Variants in SHLD1 observed in about 807,000 individuals in gnomAD.
The protein encoded by SHLD1 is shieldin complex subunit 1.
A neutral mutation model predicts 5.5 loss-of-function variants in SHLD1; 3 were observed. The observed-to-expected ratio is 0.54, with a 90% CI of 0.25 to 1.40. The LOEUF (loss-of-function observed/expected upper bound fraction) is 1.40, where lower values mean the gene tolerates loss of function less well. SHLD1 is among the 40% of genes most tolerant of loss of function. The pLI is 0.15. For missense variants in SHLD1, 210 were observed against 244.4 expected (o/e 0.86, Z 0.94); for synonymous variants, 92 against 94.3 (o/e 0.98, Z 0.14).
chr20:5,843,006 G>C (rs1418173238), intron 2 of SHLD1, among the ~76,000 whole-genome samples: 1 of 152,154 alleles, frequency 6.6e-6, no homozygotes, highest in Non-Finnish European at 1.5e-5. Flanking sequence ...CATGGGCCTT[G>C]TTTGCTGGCT....
At chr20:5,830,184 C>G (rs972154261) in intron 2 of SHLD1, among the ~76,000 whole-genome samples, 2 of 152,220 alleles carry the variant, frequency 1.3e-5, no homozygotes, top group Non-Finnish European at 2.9e-5. Flanking sequence ...GAAATAGTCA[C>G]AGCAACACTC....
At chr20:5,801,951 A>G (rs2087300635) in intron 2 of SHLD1, among the ~76,000 whole-genome samples, 1 of 149,962 alleles carries the variant, frequency 6.7e-6, no homozygotes, top group African/African-American at 2.4e-5. Flanking sequence ...TGTGTGCTAC[A>G]TTGGATGTTC....
chr20:5,835,302 T>C (rs1462052773), intron 2 of SHLD1, among the ~76,000 whole-genome samples: 1 of 152,230 alleles, frequency 6.6e-6, no homozygotes, highest in African/African-American at 2.4e-5. Context: ...AAGCTAGGGC[T>C]ATACACTAAT....
chr20:5,779,310 A>C (rs1342889525), intron 2 of SHLD1, among the ~76,000 whole-genome samples: 1 of 152,148 alleles, frequency 6.6e-6, no homozygotes, highest in African/African-American at 2.4e-5. Context: ...TCACTGCCCT[A>C]ACAGCCCAAC....
chr20:5,804,500 T>G (rs405178), intron 2 of SHLD1, among the ~76,000 whole-genome samples: 68,132 of 151,914 alleles, frequency 0.45, 16,198 homozygotes, highest in African/African-American at 0.62. Context: ...TTTGTTCAGG[T>G]TTTGCCACAT....
At position 5,779,593 on chromosome 20, in the gene SHLD1, C is replaced by T. The variant is rs554257193; in HGVS notation, c.178+6550C>T. On this transcript the variant is annotated intron_variant, in intron 2 of 2. Coordinates refer to ENST00000303142, the MANE Select transcript of SHLD1 (RefSeq NM_152504.4). ...ACCATTCTATCTCAGATTCTTAACA[C>T]CTCCAGTTCCCAAGCCAGTTTGATG... Among the ~76,000 whole-genome samples, 5 of 152,282 alleles carry T rather than the reference C, an allele frequency of 3.3e-5. 1 individual carries two copies. The highest frequency in any genetic ancestry group is 1.9e-4 in the East Asian group (1 of 5,180).
At chr20:5,752,051 C>G (rs190790749) in intron 1 of SHLD1, among the ~76,000 whole-genome samples, 1 of 152,068 alleles carries the variant, frequency 6.6e-6, no homozygotes, top group Non-Finnish European at 1.5e-5. Flanking sequence ...GTCCTTGTTA[C>G]GTAGATGAAG....
chr20:5,752,395 CAAA>C (rs75840593), intron 1 of SHLD1, among the ~76,000 whole-genome samples: 3 of 121,636 alleles, frequency 2.5e-5, no homozygotes, highest in African/African-American at 5.5e-5. Flanking sequence ...GACTCCATCT[CAAA>C]AAAAAAAAAA....
rs1456670929 is a variant in SHLD1, at chr20:5,835,143, T to C, written c.179-27881T>C. Among the ~76,000 whole-genome samples, 4 of 152,020 alleles carry C rather than the reference T, an allele frequency of 2.6e-5. No individual in the cohort carries two copies. The South Asian group carries it at 6.2e-4, about 24-fold the overall frequency. ...ATAGGTGGTATTCTGCAGACACAGTTTGGGAAATAAGAGAAGTCTACCTCT... is the reference window on the plus strand; with the variant it reads ...ATAGGTGGTATTCTGCAGACACAGTCTGGGAAATAAGAGAAGTCTACCTCT... On this transcript the variant is annotated intron_variant, in intron 2 of 2. Transcript: ENST00000303142.
At chr20:5,781,344 G>A (rs2086986773) in intron 2 of SHLD1, among the ~76,000 whole-genome samples, 1 of 152,252 alleles carries the variant, frequency 6.6e-6, no homozygotes, top group Admixed American at 6.5e-5. Flanking sequence ...GCTACAGTGA[G>A]CTATGATTGT....
At chr20:5,805,126 T>A (rs540420366) in intron 2 of SHLD1, among the ~76,000 whole-genome samples, 1 of 151,804 alleles carries the variant, frequency 6.6e-6, no homozygotes, top group African/African-American at 2.4e-5. Flanking sequence ...TGTTTTCCCC[T>A]CCTTAATCTT....
At chr20:5,801,350 A>G (rs1485785643) in intron 2 of SHLD1, among the ~76,000 whole-genome samples, 1 of 152,220 alleles carries the variant, frequency 6.6e-6, no homozygotes, top group African/African-American at 2.4e-5. Flanking sequence ...TGCTGCGATT[A>G]TAGGCATGAG....
chr20:5,751,425 G>A (rs1983743159), intron 1 of SHLD1, among the ~76,000 whole-genome samples: 1 of 152,026 alleles, frequency 6.6e-6, no homozygotes. Context: ...TCCTGCCTGA[G>A]CCTCCCGAGT....
chr20:5,763,166 C>T (rs764372198), intron 1 of SHLD1, among the ~76,000 whole-genome samples: 3 of 150,254 alleles, frequency 2.0e-5, no homozygotes, highest in African/African-American at 7.4e-5. Context: ...ATTATCCAGG[C>T]GTAGTGGCGC....
intron 2 of SHLD1, among the ~76,000 whole-genome samples, chr20:5,832,154 TGG>T (rs2087736161): frequency 6.6e-6 from 1 of 152,244 alleles, no homozygotes; most frequent in South Asian, 2.1e-4. Context: ...TTGGCCAGGC[TGG>T]TCTCAAACTC....
At chr20:5,798,935 A>C (rs2087251621) in intron 2 of SHLD1, among the ~76,000 whole-genome samples, 1 of 152,096 alleles carries the variant, frequency 6.6e-6, no homozygotes, top group Non-Finnish European at 1.5e-5. Context: ...TGTAATCCCC[A>C]TACTTTGGAA....
At chr20:5,792,581 G>A (rs2122309461) in intron 2 of SHLD1, among the ~76,000 whole-genome samples, 1 of 151,738 alleles carries the variant, frequency 6.6e-6, no homozygotes, top group Admixed American at 6.6e-5. Flanking sequence ...CACCACGCCT[G>A]GCTAATTTTT....
intron 2 of SHLD1, among the ~76,000 whole-genome samples, chr20:5,795,646 A>T (rs886232905): frequency 1.3e-5 from 2 of 150,698 alleles, no homozygotes; most frequent in African/African-American, 2.4e-5. Flanking sequence ...AAGTTTCATA[A>T]CTACACAGAA....
At chr20:5,751,028 GT>G (rs983195650) in intron 1 of SHLD1, among the ~76,000 whole-genome samples, 1 of 152,008 alleles carries the variant, frequency 6.6e-6, no homozygotes, top group African/African-American at 2.4e-5. Context: ...AACATTAAGG[GT>G]TTTTTTGTTG....
Sources: gnomAD v4.1 joint callset for allele counts (sites outside exome capture counted in the v4.1 genomes callset) on GRCh38, gnomAD v4.1.1 for gene constraint, MANE v1.5 for transcripts, NCBI Gene and HGNC (gene_info 2026-07-23, HGNC 2026-07-21) for gene names.